GOLGA1: variants seen among roughly 807,000 people sequenced by gnomAD.
The protein encoded by GOLGA1 is golgin A1.
Under a neutral mutation model 119.7 loss-of-function variants are expected in GOLGA1, and 63 were observed. The ratio of observed to expected loss-of-function variants is 0.53; its 90% confidence interval spans 0.43 to 0.65. GOLGA1 has a LOEUF of 0.65. Among genes scored for constraint, GOLGA1 ranks in the 30% least tolerant of loss-of-function variants. GOLGA1 has a pLI of 0.00. For missense variants in GOLGA1, 798 were observed against 912.8 expected, an observed-to-expected ratio of 0.87 and a Z score of 1.62; for synonymous variants, 318 against 333.4, an observed-to-expected ratio of 0.95 and a Z score of 0.50.
At chr9:124,898,061 GA>G (rs1166682141) in intron 15 of GOLGA1, among the ~76,000 whole-genome samples, 1 of 152,226 alleles carries the variant, frequency 6.6e-6, no homozygotes, top group Non-Finnish European at 1.5e-5. Context: ...TTGCAGAAGA[GA>G]AAGTTTAACA....
chr9:124,921,699 G>C, intron 9 of GOLGA1, 24 bp downstream of exon 9: 1 of 1,590,138 alleles, frequency 6.3e-7, no homozygotes, highest in Non-Finnish European at 8.6e-7. Flanking sequence ...CTCTTCCCAA[G>C]GGCCCCACAG....
chr9:124,900,225 AGGTGG>A (rs1830072664), intron 13 of GOLGA1: 4 of 382,188 alleles, frequency 1.0e-5, no homozygotes, highest in Non-Finnish European at 1.9e-5. Context: ...GTGGGATGTA[AGGTGG>A]AAAGGAGCTG....
intron 16 of GOLGA1, among the ~76,000 whole-genome samples, chr9:124,890,057 A>T (rs1304727605): frequency 1.3e-5 from 2 of 152,086 alleles, no homozygotes; most frequent in Non-Finnish European, 2.9e-5. Context: ...AACTCAACCC[A>T]ACCTTACGTG....
chr9:124,922,044 A>G (rs182320747), intron 8 of GOLGA1, 152 bp from the exon 9 acceptor site: 2 of 667,760 alleles, frequency 3.0e-6, no homozygotes, highest in East Asian at 5.4e-5. Flanking sequence ...CCTTGCTGAC[A>G]TGGCAAAACC....
At chr9:124,928,722 T>C (rs1315953237) in intron 5 of GOLGA1, among the ~76,000 whole-genome samples, 1 of 152,168 alleles carries the variant, frequency 6.6e-6, no homozygotes, top group Non-Finnish European at 1.5e-5. Context: ...TTTTAGTACA[T>C]ATCAACAAAA....
At chr9:124,880,921 A>G (rs1162529321) in intron 22 of GOLGA1, among the ~76,000 whole-genome samples, 3 of 152,232 alleles carry the variant, frequency 2.0e-5, no homozygotes. Context: ...GGCTCTCGAT[A>G]AAGCGCTATC....
chr9:124,887,937 T>G (rs779410773), intron 19 of GOLGA1, among the ~76,000 whole-genome samples: 4 of 152,184 alleles, frequency 2.6e-5, no homozygotes, highest in African/African-American at 9.7e-5. Context: ...AAAGGAAGTA[T>G]AGACGAAAGA....
At chr9:124,926,813 A>C in intron 6 of GOLGA1, 72 bp from the exon 7 acceptor site, 4 of 763,526 alleles carry the variant, frequency 5.2e-6, no homozygotes, top group Non-Finnish European at 8.4e-6. Context: ...TCAGAAAACA[A>C]AACAACCCAA....
At chr9:124,897,835 T>C (rs1260949491) in intron 15 of GOLGA1, among the ~76,000 whole-genome samples, 1 of 152,334 alleles carries the variant, frequency 6.6e-6, no homozygotes, top group East Asian at 1.9e-4. Flanking sequence ...GGCATTCATC[T>C]ATGGACACTC....
intron 2 of GOLGA1, among the ~76,000 whole-genome samples, chr9:124,939,550 CT>C (rs3051147): frequency 5.5e-4 from 45 of 81,830 alleles, no homozygotes; most frequent in East Asian, 2.7e-3. Flanking sequence ...TTCTTTCTTT[CT>C]TTTTTTTTTT....
intron 3 of GOLGA1, among the ~76,000 whole-genome samples, chr9:124,935,763 CA>C (rs33934422): frequency 0.61 from 62,610 of 103,392 alleles, 15,439 homozygotes; most frequent in African/African-American, 0.69. Flanking sequence ...ACTCTGTCTC[CA>C]AAAAAAAAAA....
intron 12 of GOLGA1, among the ~76,000 whole-genome samples, chr9:124,907,252 C>T (rs963790774): frequency 1.3e-5 from 2 of 152,138 alleles, no homozygotes; most frequent in Admixed American, 6.6e-5. Context: ...TCAGAAAGGA[C>T]AGACTGTTTA....
intron 14 of GOLGA1, 64 bp downstream of exon 14, chr9:124,899,265 G>C (rs530854062): frequency 6.9e-7 from 1 of 1,447,560 alleles, no homozygotes; most frequent in Non-Finnish European, 9.3e-7. Flanking sequence ...TCAAGCACGA[G>C]GCTGACTTCG....
chr9:124,897,633 A>G (rs2131402006), intron 15 of GOLGA1, among the ~76,000 whole-genome samples: 1 of 152,280 alleles, frequency 6.6e-6, no homozygotes, highest in African/African-American at 2.4e-5. Flanking sequence ...GAGCCACCGC[A>G]CTGGCTCATT....
intron 3 of GOLGA1, among the ~76,000 whole-genome samples, chr9:124,932,850 G>A (rs1830795668): frequency 6.6e-6 from 1 of 152,060 alleles, no homozygotes; most frequent in South Asian, 2.1e-4. Context: ...ATGGTGGAAG[G>A]GGCAAGGCAG....
At chr9:124,943,558 A>G (rs921260316), upstream of GOLGA1, 2 of 152,224 alleles carry the variant, frequency 1.3e-5, no homozygotes, top group African/African-American at 4.8e-5. Flanking sequence ...TTAAAATTCT[A>G]TAACATTTCA....
intron 12 of GOLGA1, among the ~76,000 whole-genome samples, chr9:124,903,651 CAAAAAAAAAA>C (rs11435294): frequency 1.4e-4 from 13 of 91,274 alleles, no homozygotes; most frequent in Admixed American, 9.5e-4. Flanking sequence ...AGAAAAAGAC[CAAAAAAAAAA>C]AAAAAAAAAA....
At chr9:124,924,367 T>C (rs531179156) in intron 7 of GOLGA1, among the ~76,000 whole-genome samples, 35 of 152,236 alleles carry the variant, frequency 2.3e-4, no homozygotes, top group African/African-American at 8.2e-4. Flanking sequence ...AGTGGACTCT[T>C]GCCTCTAATC....
At position 124,900,449 on chromosome 9, in the gene GOLGA1, T is replaced by C; in HGVS notation, c.1161+3A>G. 6.9e-7 allele frequency: 1 copy of C among 1,446,156 alleles called. No individual in the cohort carries two copies. Among genetic ancestry groups the C allele is most frequent in the Non-Finnish European group, 9.7e-7 (1 of 1,026,552 alleles). The allele number at this position is 1,446,156 out of a possible 1,614,324, so 89.6% of individuals were successfully genotyped here. On this transcript the variant is annotated splice_donor_region_variant and intron_variant, in intron 13 of 22. Coordinates refer to ENST00000373555, the MANE Select transcript of GOLGA1 (RefSeq NM_002077.4). ...GAATGCAGCAGCTCCAATAAGCACT[T>C]ACGAGCTCCTGTATCTGAGTTTCCT...
Sources: gnomAD v4.1 joint callset for allele counts (sites outside exome capture counted in the v4.1 genomes callset) on GRCh38, gnomAD v4.1.1 for gene constraint, MANE v1.5 for transcripts, NCBI Gene and HGNC (gene_info 2026-07-23, HGNC 2026-07-21) for gene names.